Variants in ZFHX3 observed in about 807,000 individuals in gnomAD.
ZFHX3 encodes the protein zinc finger homeobox 3.
Under a neutral mutation model 279.1 loss-of-function variants are expected in ZFHX3, and 42 were observed. The ratio of observed to expected loss-of-function variants is 0.15; its 90% CI spans 0.12 to 0.19. The LOEUF (loss-of-function observed/expected upper bound fraction) is 0.19. Ranked by LOEUF, ZFHX3 falls within the 10% of genes least tolerant of loss-of-function variation. ZFHX3 has a pLI of 1.00. For synonymous variants in ZFHX3, 2,293 were observed against 1,957.8 expected, an observed-to-expected ratio of 1.17 and a Z score of -4.52; for missense variants, 4,981 against 4,754.0, an observed-to-expected ratio of 1.05 and a Z score of -1.40.
Position 73,760,770 on chromosome 16 carries a change from A to G in ZFHX3, c.-1607-80530T>C, listed in dbSNP as rs2053855783. ...GCAGAAAAGGCCTTCATAAAATTCA[A>G]CATCCCTTCATGTTAAAACTCTCAA... On this transcript the variant is annotated intron_variant, in intron 1 of 17. Coordinates refer to the ZFHX3 transcript ENST00000641206. Among the ~76,000 whole-genome samples the G allele has an allele frequency of 1.3e-5, 2 of 152,172 alleles. 1 individual carries two copies. Among genetic ancestry groups the G allele is most frequent in the Admixed American group, 1.3e-4 (2 of 15,274 alleles).
intron 3 of ZFHX3, among the ~76,000 whole-genome samples, chr16:73,436,067 C>A (rs1378188783): frequency 6.6e-6 from 1 of 152,226 alleles, no homozygotes; most frequent in African/African-American, 2.4e-5. Context: ...CGGTGGCTCA[C>A]GCCTGTAATC....
intron 1 of ZFHX3, among the ~76,000 whole-genome samples, chr16:73,868,538 G>C (rs1326768963): frequency 6.6e-6 from 1 of 152,152 alleles, no homozygotes; most frequent in Admixed American, 6.5e-5. Context: ...AAACAAAAAA[G>C]ATTTAAACAA....
chr16:73,626,340 T>C (rs2052416436), intron 2 of ZFHX3, among the ~76,000 whole-genome samples: 1 of 152,138 alleles, frequency 6.6e-6, no homozygotes, highest in Non-Finnish European at 1.5e-5. Flanking sequence ...GCCACGCCTT[T>C]GGTTTCCTTG....
At chr16:73,772,088 G>C (rs1309324627) in intron 1 of ZFHX3, among the ~76,000 whole-genome samples, 1 of 152,120 alleles carries the variant, frequency 6.6e-6, no homozygotes, top group Non-Finnish European at 1.5e-5. Flanking sequence ...GATGTGGTTA[G>C]AATCTTCTTG....
chr16:72,869,643 G>A (rs1182880610), intron 4 of ZFHX3, among the ~76,000 whole-genome samples: 4 of 152,172 alleles, frequency 2.6e-5, no homozygotes, highest in East Asian at 1.9e-4. Context: ...CTAGAAAACC[G>A]GGAAGGGGAG....
chr16:73,714,033 C>T (rs1453794718), intron 1 of ZFHX3, among the ~76,000 whole-genome samples: 1 of 152,108 alleles, frequency 6.6e-6, no homozygotes, highest in Non-Finnish European at 1.5e-5. Flanking sequence ...TCCTCACTGC[C>T]CTTTTCTGAC....
rs34947000 is a variant in ZFHX3 at position 73,600,418 on chromosome 16, CTT to C, written c.-1547+79760_-1547+79761del. On this transcript the variant is annotated intron_variant, in intron 2 of 17. Coordinates refer to the ZFHX3 transcript ENST00000641206. ...CTGTGTATAGACCTTGGTCTCTCTACTTTTTTTTTTTTTTTTTGAGATGGAGT... is the reference window on the plus strand; with the variant it reads ...CTGTGTATAGACCTTGGTCTCTCTACTTTTTTTTTTTTTTTGAGATGGAGT... Among the ~76,000 whole-genome samples, 75 of 119,552 alleles carry C rather than the reference CTT, an allele frequency of 6.3e-4. 1 individual carries two copies. The highest frequency in any genetic ancestry group is 1.3e-3 in the East Asian group (5 of 3,816). 78.4% of individuals were successfully genotyped at this position (119,552 alleles called of 152,430 possible).
At chr16:72,947,228 A>G (rs1034417371) in intron 3 of ZFHX3, among the ~76,000 whole-genome samples, 5 of 152,328 alleles carry the variant, frequency 3.3e-5, no homozygotes, top group East Asian at 1.9e-4. Flanking sequence ...ACTCCACTCT[A>G]CTTCCAGGAG....
At chr16:73,510,900 C>T (rs1430813338) in intron 2 of ZFHX3, among the ~76,000 whole-genome samples, 1 of 152,236 alleles carries the variant, frequency 6.6e-6, no homozygotes, top group Non-Finnish European at 1.5e-5. Context: ...TGCTGTGGCA[C>T]ATCTCCTCTA....
At chr16:73,141,271 A>G (rs1168577397) in intron 6 of ZFHX3, among the ~76,000 whole-genome samples, 2 of 152,172 alleles carry the variant, frequency 1.3e-5, no homozygotes, top group Non-Finnish European at 2.9e-5. Context: ...TGAAATATAC[A>G]ATGTATTACC....
At chr16:73,054,616 G>C (rs930897160) in intron 1 of ZFHX3, among the ~76,000 whole-genome samples, 1 of 152,048 alleles carries the variant, frequency 6.6e-6, no homozygotes, top group Non-Finnish European at 1.5e-5. Context: ...CAATACAGGG[G>C]AAGAGAGGGG....
At chr16:73,265,063 C>T (rs972808192) in intron 4 of ZFHX3, among the ~76,000 whole-genome samples, 6 of 137,176 alleles carry the variant, frequency 4.4e-5, no homozygotes, top group Non-Finnish European at 7.9e-5. Flanking sequence ...ATAATAGCAC[C>T]TCAGCGCATA....
intron 2 of ZFHX3, among the ~76,000 whole-genome samples, chr16:73,583,502 G>T (rs1044934419): frequency 2.0e-5 from 3 of 152,178 alleles, no homozygotes; most frequent in Non-Finnish European, 4.4e-5. Context: ...CCTGTGTGCT[G>T]TGGAGTTAAA....
At chr16:73,278,556 A>C (rs560213854) in intron 4 of ZFHX3, among the ~76,000 whole-genome samples, 1 of 152,370 alleles carries the variant, frequency 6.6e-6, no homozygotes, top group South Asian at 2.1e-4. Flanking sequence ...AAGCTTCCAC[A>C]CTGTGTAAGG....
rs1348003432 is a variant in ZFHX3, at chr16:73,429,031, C to T, written c.-1291+26972G>A. On this transcript the variant is annotated intron_variant, in intron 3 of 17. Transcript: ENST00000641206. ...GCCACTGGCCTGGTTTACACAACAC[C>T]CTGTGGACCCCTCCATGTCTAGAGG... Among the ~76,000 whole-genome samples the T allele has an allele frequency of 2.6e-5, 4 of 152,112 alleles. No individual in the cohort carries two copies. The East Asian group carries it at 7.7e-4, about 29-fold the overall frequency.
intron 4 of ZFHX3, among the ~76,000 whole-genome samples, chr16:73,277,961 T>A (rs2014346184): frequency 6.6e-6 from 1 of 152,040 alleles, no homozygotes; most frequent in African/African-American, 2.4e-5. Context: ...AGAATTCACT[T>A]AATACCTCAA....
chr16:72,957,720 C>G lies in ZFHX3; in HGVS notation c.2426G>C (p.Cys809Ser). Residue 809 changes from cysteine (C) to serine (S), a missense_variant, in exon 2 of 10, where the codon TGT (cysteine) becomes TCT (serine). Transcript: ENST00000268489. ...KTKPTWRCEVCDYETNVARNL... is the reference protein window; with the variant it reads ...KTKPTWRCEVSDYETNVARNL... ...CCTGGCCACGTTGGTCTCATAATCA[C>G]ACACCTCGCACCGCCAGGTGGGTTT... 6.2e-7 allele frequency: 1 copy of G among 1,614,186 alleles called. No homozygotes were observed. The highest frequency in any genetic ancestry group is 8.5e-7 in the Non-Finnish European group (1 of 1,180,034).
intron 2 of ZFHX3, among the ~76,000 whole-genome samples, chr16:73,575,001 A>G (rs2051784961): frequency 6.6e-6 from 1 of 152,068 alleles, no homozygotes; most frequent in African/African-American, 2.4e-5. Context: ...ACCACTTTGC[A>G]CTTATCCATA....
chr16:73,602,554 A>G (rs2052130077), intron 2 of ZFHX3, among the ~76,000 whole-genome samples: 2 of 152,208 alleles, frequency 1.3e-5, no homozygotes, highest in Admixed American at 1.3e-4. Flanking sequence ...GTGTGCACGT[A>G]TTTAAATCTT....
Sources: allele counts gnomAD v4.1 joint callset (sites outside exome capture counted in the v4.1 genomes callset), GRCh38; gene constraint gnomAD v4.1.1; transcripts MANE v1.5; gene names NCBI Gene and HGNC (gene_info 2026-07-23, HGNC 2026-07-21).